AGBL1: variants seen among roughly 807,000 people sequenced by gnomAD.
AGBL1 encodes AGBL carboxypeptidase 1.
AGBL1 carries 130 observed loss-of-function variants against 118.9 expected under a neutral mutation model. That is an observed-to-expected ratio of 1.09 (90% CI 0.95 to 1.26). The LOEUF (loss-of-function observed/expected upper bound fraction) is 1.26. AGBL1 is among the 50% of genes most tolerant of loss of function. AGBL1 has a pLI of 0.00. For missense variants in AGBL1, 1,584 were observed against 1,298.1 expected (o/e 1.22, Z -3.38); for synonymous variants, 555 against 478.9 (o/e 1.16, Z -2.08).
At chr15:86,458,768 AG>A (rs1395209540) in intron 18 of AGBL1, among the ~76,000 whole-genome samples, 1 of 152,160 alleles carries the variant, frequency 6.6e-6, no homozygotes, top group African/African-American at 2.4e-5. Context: ...GGGTTACCCT[AG>A]GTTGCAGGAG....
At chr15:87,004,387 A>G (rs1433806026) in intron 24 of AGBL1, among the ~76,000 whole-genome samples, 1 of 152,122 alleles carries the variant, frequency 6.6e-6, no homozygotes, top group African/African-American at 2.4e-5. Context: ...GTGGGTGCAT[A>G]TATATTTAGG....
At chr15:86,312,534 T>G in intron 17 of AGBL1, among the ~76,000 whole-genome samples, 1 of 152,260 alleles carries the variant, frequency 6.6e-6, no homozygotes, top group East Asian at 1.9e-4. Context: ...TGCGCATTGT[T>G]GCCTTTCCTG....
intron 17 of AGBL1, among the ~76,000 whole-genome samples, chr15:86,364,830 T>C (rs1596019543): frequency 6.6e-6 from 1 of 151,622 alleles, no homozygotes; most frequent in South Asian, 2.1e-4. Flanking sequence ...AATTGGCTAG[T>C]AGCACTTTAA....
At chr15:86,923,970 T>C (rs1442250696) in intron 23 of AGBL1, among the ~76,000 whole-genome samples, 1 of 152,182 alleles carries the variant, frequency 6.6e-6, no homozygotes, top group African/African-American at 2.4e-5. Flanking sequence ...CTCTAGATAA[T>C]ACATCAAAAT....
intron 5 of AGBL1, among the ~76,000 whole-genome samples, chr15:86,203,768 T>C (rs1405408810): frequency 1.3e-5 from 2 of 152,196 alleles, no homozygotes; most frequent in Admixed American, 6.5e-5. Flanking sequence ...ATCTTCGTAT[T>C]TCCATTCTGA....
rs1447496837 is a variant in AGBL1, at chr15:86,143,783, C to T, written c.200C>T (p.Ala67Val). 1.2e-6 allele frequency: 2 copies of T among 1,613,804 alleles called. No individual in the cohort carries two copies. Among genetic ancestry groups the T allele is most frequent in the East Asian group, 2.2e-5 (1 of 44,860 alleles). Residue 67 changes from alanine (A) to valine (V), a missense_variant, in exon 3 of 23, where the codon GCT becomes GTT. Transcript: ENST00000614907. The part of the protein sequence containing the change: ...LQTLVDTART[A>V]PPDYDILLPL... The stretch of plus-strand genomic sequence containing the variant: ...ACCCTGGTAGACACAGCGAGGACAG[C>T]TCCTCCAGACTATGACATCCTCCTG...
At chr15:87,022,518 T>A (rs1265468255) in intron 24 of AGBL1, among the ~76,000 whole-genome samples, 1 of 152,002 alleles carries the variant, frequency 6.6e-6, no homozygotes, top group African/African-American at 2.4e-5. Context: ...ATCTAAAAGT[T>A]TGGAAAATAT....
At position 86,878,684 on chromosome 15, in the gene AGBL1, A is replaced by G. The variant is rs543339914; in HGVS notation, c.3159-28403A>G. On this transcript the variant is annotated intron_variant, in intron 22 of 22. Coordinates refer to ENST00000614907, the MANE Select transcript of AGBL1 (RefSeq NM_001386094.1). ...GATCTGTCCTCTACTGGACTTCCTT[A>G]AGGCTCTGTTTCTGAGAGTTTGTAG... is the stretch of plus-strand genomic sequence containing the variant. Among the ~76,000 whole-genome samples, 8 of 152,162 alleles carry G rather than the reference A, an allele frequency of 5.3e-5. No individual in the cohort carries two copies. The South Asian group carries it at 1.2e-3, about 24-fold the overall frequency.
chr15:86,673,562 A>G (rs937867751), intron 21 of AGBL1, among the ~76,000 whole-genome samples: 6 of 152,178 alleles, frequency 3.9e-5, no homozygotes, highest in African/African-American at 1.4e-4. Flanking sequence ...TGTAGAATGG[A>G]GAAAAGAACA....
downstream of AGBL1, among the ~76,000 whole-genome samples, chr15:86,920,079 C>T (rs550246583): frequency 6.6e-6 from 1 of 152,290 alleles, no homozygotes; most frequent in South Asian, 2.1e-4. Flanking sequence ...CACAGGGAAC[C>T]TCCGTGGGTT....
intron 18 of AGBL1, among the ~76,000 whole-genome samples, chr15:86,492,072 G>A (rs1164352774): frequency 2.0e-5 from 3 of 152,020 alleles, no homozygotes; most frequent in Non-Finnish European, 4.4e-5. Flanking sequence ...TACCCTCAAA[G>A]TGCTCCTAGA....
chr15:86,920,404 G>T (rs998663465), downstream of AGBL1, among the ~76,000 whole-genome samples: 1 of 152,174 alleles, frequency 6.6e-6, no homozygotes, highest in Admixed American at 6.5e-5. Flanking sequence ...TAATAGGCTA[G>T]TGTGATTAGG....
chr15:87,022,398 G>A (rs534763901), intron 24 of AGBL1, among the ~76,000 whole-genome samples: 9 of 152,012 alleles, frequency 5.9e-5, no homozygotes, highest in South Asian at 2.1e-4. Context: ...CCAATCCAAC[G>A]AAGACAAAGA....
chr15:86,970,610 G>A (rs186547411), intron 23 of AGBL1, among the ~76,000 whole-genome samples: 44 of 151,964 alleles, frequency 2.9e-4, no homozygotes, highest in African/African-American at 1.0e-3. Context: ...TACAATCATG[G>A]TACCTAGGTT....
intron 21 of AGBL1, among the ~76,000 whole-genome samples, chr15:86,648,691 G>A (rs2085324431): frequency 6.6e-6 from 1 of 152,176 alleles, no homozygotes; most frequent in Non-Finnish European, 1.5e-5. Context: ...TTGAAGTGTA[G>A]AGACTAACAG....
At chr15:86,640,724 C>A (rs1032466737) in intron 21 of AGBL1, among the ~76,000 whole-genome samples, 3 of 152,068 alleles carry the variant, frequency 2.0e-5, no homozygotes, top group Non-Finnish European at 4.4e-5. Context: ...GCCCTAGTTA[C>A]TTCCTTAGGA....
chr15:86,560,178 A>G (rs1237958417), intron 21 of AGBL1, among the ~76,000 whole-genome samples: 1 of 151,684 alleles, frequency 6.6e-6, no homozygotes, highest in African/African-American at 2.4e-5. Flanking sequence ...TCTAGGGTAC[A>G]TGTGCACAAC....
At chr15:86,552,748 A>T (rs2083681450) in intron 20 of AGBL1, among the ~76,000 whole-genome samples, 1 of 152,126 alleles carries the variant, frequency 6.6e-6, no homozygotes, top group Admixed American at 6.6e-5. Context: ...AAATAGATGG[A>T]GGGATTATAG....
intron 10 of AGBL1, among the ~76,000 whole-genome samples, chr15:86,263,848 T>G (rs2142032329): frequency 6.6e-6 from 1 of 152,298 alleles, no homozygotes; most frequent in Admixed American, 6.5e-5. Flanking sequence ...TCTATTTGGC[T>G]TCAGAAAGCA....
Sources: allele counts gnomAD v4.1 joint callset (sites outside exome capture counted in the v4.1 genomes callset), GRCh38; gene constraint gnomAD v4.1.1; transcripts MANE v1.5; gene names NCBI Gene and HGNC (gene_info 2026-07-23, HGNC 2026-07-21).